The following FRMD4B variants were observed in gnomAD, a reference collection of about 807,000 sequenced individuals.
FRMD4B encodes FERM domain containing 4B.
In FRMD4B, 74 loss-of-function variants were observed where a neutral mutation model predicts 141.5. The ratio of observed to expected loss-of-function variants is 0.52; its 90% confidence interval spans 0.43 to 0.63. The LOEUF (loss-of-function observed/expected upper bound fraction) is 0.63, where lower values mean the gene tolerates loss of function less well. Ranked by LOEUF, FRMD4B falls within the 30% of genes least tolerant of loss-of-function variation. The pLI is 0.00. For missense variants in FRMD4B, 1,366 were observed against 1,253.4 expected, an observed-to-expected ratio of 1.09 and a Z score of -1.36; for synonymous variants, 506 against 467.9, an observed-to-expected ratio of 1.08 and a Z score of -1.05.
intron 1 of FRMD4B, among the ~76,000 whole-genome samples, chr3:69,435,972 G>A (rs1007694926): frequency 6.6e-6 from 1 of 152,096 alleles, no homozygotes; most frequent in East Asian, 1.9e-4. Flanking sequence ...GTATAAAAAG[G>A]TGCATATCTT....
At chr3:69,222,801 G>A (rs2093209836) in intron 8 of FRMD4B, among the ~76,000 whole-genome samples, 1 of 116,678 alleles carries the variant, frequency 8.6e-6, no homozygotes, top group Non-Finnish European at 1.9e-5. Flanking sequence ...TACTAGAAAA[G>A]GAAACAATAT....
intron 12 of FRMD4B, chr3:69,197,661 AAG>A (rs995552082): frequency 6.6e-6 from 1 of 152,152 alleles, no homozygotes. Context: ...GAGAGAAAGA[AAG>A]AGAGAACAGG....
chr3:69,281,157 C>T (rs554755777), intron 5 of FRMD4B, among the ~76,000 whole-genome samples: 28 of 152,104 alleles, frequency 1.8e-4, no homozygotes, highest in African/African-American at 6.3e-4. Flanking sequence ...TGGTCTCGAA[C>T]TTCTGACCTC....
At chr3:69,255,016 G>GT (rs1559755481) in intron 5 of FRMD4B, among the ~76,000 whole-genome samples, 1 of 152,136 alleles carries the variant, frequency 6.6e-6, no homozygotes, top group Non-Finnish European at 1.5e-5. Flanking sequence ...CTGAAGAATC[G>GT]TAACAACTAA....
chr3:69,229,014 T>C (rs72929560), intron 7 of FRMD4B, among the ~76,000 whole-genome samples: 13,926 of 82,292 alleles, frequency 0.17, 1,365 homozygotes, highest in East Asian at 0.37. Context: ...CTCAAAATCA[T>C]GTTTTTTTTT....
intron 4 of FRMD4B, among the ~76,000 whole-genome samples, chr3:69,298,249 T>TA (rs1701096864): frequency 6.6e-6 from 1 of 152,250 alleles, no homozygotes; most frequent in African/African-American, 2.4e-5. Flanking sequence ...AATATTTTCT[T>TA]ACATTTGCAT....
At chr3:69,434,732 T>G (rs1705234366) in intron 1 of FRMD4B, among the ~76,000 whole-genome samples, 1 of 152,222 alleles carries the variant, frequency 6.6e-6, no homozygotes, top group Non-Finnish European at 1.5e-5. Context: ...CTTGTGATAT[T>G]GGGTATCTGG....
chr3:69,390,765 T>C (rs2106721038), upstream of FRMD4B, among the ~76,000 whole-genome samples: 1 of 152,242 alleles, frequency 6.6e-6, no homozygotes, highest in Non-Finnish European at 1.5e-5. Flanking sequence ...TAGTGGTGTG[T>C]ACCTGTAGTC....
intron 7 of FRMD4B, among the ~76,000 whole-genome samples, chr3:69,236,645 ATCAATTAAAGC>A (rs1401599511): frequency 6.6e-6 from 1 of 152,192 alleles, no homozygotes; most frequent in Non-Finnish European, 1.5e-5. Flanking sequence ...AGTCCAATAT[ATCAATTAAAGC>A]TCCTTAAACC....
At chr3:69,293,121 G>A (rs951583215) in intron 4 of FRMD4B, 2 of 368,968 alleles carry the variant, frequency 5.4e-6, no homozygotes, top group Non-Finnish European at 1.1e-5. Flanking sequence ...ACACCACTGT[G>A]ACATGACAAA....
chr3:69,300,441 C>A (rs1701177596), intron 4 of FRMD4B, among the ~76,000 whole-genome samples: 1 of 152,188 alleles, frequency 6.6e-6, no homozygotes. Context: ...AACTCATGAA[C>A]AAGCAGCAGG....
At chr3:69,432,403 G>C (rs1248164014) in intron 2 of FRMD4B, among the ~76,000 whole-genome samples, 1 of 152,052 alleles carries the variant, frequency 6.6e-6, no homozygotes, top group Non-Finnish European at 1.5e-5. Context: ...CAACTTTGGG[G>C]TGTTTGACTT....
chr3:69,396,930 C>T (rs954681389), intron 2 of FRMD4B, among the ~76,000 whole-genome samples: 5 of 152,100 alleles, frequency 3.3e-5, no homozygotes, highest in Non-Finnish European at 5.9e-5. Flanking sequence ...ATTACCCATA[C>T]GTTTATCAGC....
At chr3:69,312,213 G>A (rs566094638) in intron 2 of FRMD4B, among the ~76,000 whole-genome samples, 2 of 152,172 alleles carry the variant, frequency 1.3e-5, no homozygotes, top group African/African-American at 2.4e-5. Context: ...TGGATTTGGA[G>A]GGACTGGGGA....
chr3:69,474,857 G>C (rs2106957661), intron 1 of FRMD4B, among the ~76,000 whole-genome samples: 1 of 152,252 alleles, frequency 6.6e-6, no homozygotes, highest in Admixed American at 6.5e-5. Context: ...TTAAACCAGG[G>C]ATAAAATGCT....
intron 1 of FRMD4B, among the ~76,000 whole-genome samples, chr3:69,519,621 A>G (rs1700819707): frequency 6.6e-6 from 1 of 152,098 alleles, no homozygotes. Context: ...CTAGAATCAA[A>G]ACCCCACATT....
intron 11 of FRMD4B, among the ~76,000 whole-genome samples, chr3:69,212,359 C>CAAAAAAAAAAAAAAAAAAAAAAAAA (rs869309749): frequency 3.9e-5 from 1 of 25,352 alleles, no homozygotes; most frequent in Non-Finnish European, 6.5e-5. Flanking sequence ...AACCCCGTCT[C>CAAAAAAAAAAAAAAAAAAAAAAAAA]AAAAAAAAAA....
At chr3:69,207,018 T>C (rs971822266) in intron 11 of FRMD4B, among the ~76,000 whole-genome samples, 2 of 152,072 alleles carry the variant, frequency 1.3e-5, no homozygotes, top group African/African-American at 4.8e-5. Context: ...ATAAAGAAAC[T>C]TTGGACAAGC....
intron 1 of FRMD4B, among the ~76,000 whole-genome samples, chr3:69,318,464 G>A (rs1048863423): frequency 6.6e-6 from 1 of 152,192 alleles, no homozygotes; most frequent in Non-Finnish European, 1.5e-5. Context: ...GACATCTGGG[G>A]AGGGGGCATG....
Sources: gnomAD v4.1 joint callset for allele counts (sites outside exome capture counted in the v4.1 genomes callset) on GRCh38, gnomAD v4.1.1 for gene constraint, MANE v1.5 for transcripts, NCBI Gene and HGNC (gene_info 2026-07-23, HGNC 2026-07-21) for gene names.